Variants in KIDINS220 observed in about 807,000 individuals in gnomAD.
The protein encoded by KIDINS220 is kinase D interacting substrate 220.
In KIDINS220, 63 loss-of-function variants were observed where a neutral mutation model predicts 157.6. The ratio of observed to expected loss-of-function variants is 0.40; its 90% CI spans 0.33 to 0.49. The LOEUF is 0.49. Ranked by LOEUF, KIDINS220 falls within the 20% of genes least tolerant of loss-of-function variation. The pLI, the probability that KIDINS220 is intolerant of heterozygous loss-of-function variation, is 0.66. For missense variants in KIDINS220, 1,772 were observed against 2,171.2 expected, an observed-to-expected ratio of 0.82 and a Z score of 3.65; for synonymous variants, 732 against 783.6, an observed-to-expected ratio of 0.93 and a Z score of 1.10.
At chr2:8,764,696 G>C (rs377499207) in intron 22 of KIDINS220, among the ~76,000 whole-genome samples, 1 of 152,186 alleles carries the variant, frequency 6.6e-6, no homozygotes, top group South Asian at 2.1e-4. Flanking sequence ...TGAAGTATCT[G>C]GATGGACGGT....
At chr2:8,808,640 A>G (rs1675851972) in intron 6 of KIDINS220, among the ~76,000 whole-genome samples, 1 of 152,126 alleles carries the variant, frequency 6.6e-6, no homozygotes, top group Admixed American at 6.5e-5. Flanking sequence ...TCATCTCTCA[A>G]ATTCTGGTCT....
intron 1 of KIDINS220, among the ~76,000 whole-genome samples, chr2:8,832,946 G>A (rs936451237): frequency 6.6e-6 from 1 of 151,674 alleles, no homozygotes; most frequent in African/African-American, 2.4e-5. Context: ...TGGGGTATGT[G>A]TAATATTTGG....
intron 22 of KIDINS220, 70 bp from the exon 23 acceptor site, chr2:8,751,714 T>C: frequency 9.5e-7 from 1 of 1,051,810 alleles, no homozygotes; most frequent in Non-Finnish European, 1.4e-6. Context: ...GCATGTCACC[T>C]GAAGTTACTT....
At chr2:8,803,338 A>G (rs1674994818) in intron 7 of KIDINS220, among the ~76,000 whole-genome samples, 1 of 152,210 alleles carries the variant, frequency 6.6e-6, no homozygotes, top group African/African-American at 2.4e-5. Flanking sequence ...AAAATACATT[A>G]ATGATCTTCA....
intron 20 of KIDINS220, among the ~76,000 whole-genome samples, chr2:8,777,445 T>A (rs948833105): frequency 6.6e-6 from 1 of 152,108 alleles, no homozygotes; most frequent in African/African-American, 2.4e-5. Flanking sequence ...ACTACAGGCA[T>A]GCACCACCAC....
intron 21 of KIDINS220, among the ~76,000 whole-genome samples, chr2:8,774,709 G>A (rs1670730236): frequency 6.6e-6 from 1 of 152,208 alleles, no homozygotes; most frequent in Admixed American, 6.5e-5. Flanking sequence ...TGGAGGAGGA[G>A]AATGGTGGGA....
rs747472903 is a variant in KIDINS220, at chr2:8,730,852, A to G, written c.5184T>C (p.Asn1728=). 6.2e-7 allele frequency: 1 copy of G among 1,614,182 alleles called. No individual in the cohort carries two copies. The highest frequency in any genetic ancestry group is 8.5e-7 in the Non-Finnish European group (1 of 1,180,042). ...SPNPTTIQNE[N]LKSMTHKRSQ... is the part of the protein sequence containing the mutation. ...TTCGCTTATGTGTCATGCTTTTTAG[A>G]TTCTCATTCTGAATAGTGGTTGGGT... Residue 1728 remains asparagine, a synonymous_variant, in exon 30 of 30, where the codon AAT becomes AAC. Transcript: ENST00000256707.
At chr2:8,807,287 T>C (rs1212674436) in intron 6 of KIDINS220, among the ~76,000 whole-genome samples, 4 of 152,194 alleles carry the variant, frequency 2.6e-5, no homozygotes, top group Admixed American at 6.5e-5. Context: ...ATTAGCCACA[T>C]TGCCTGCCTC....
chr2:8,733,319 T>C (rs1664408698), intron 29 of KIDINS220, 125 bp downstream of exon 29: 1 of 822,836 alleles, frequency 1.2e-6, no homozygotes, highest in East Asian at 2.5e-5. Context: ...CTCCATCTTG[T>C]CTCCTGTTCA....
At position 8,802,951 on chromosome 2, in the gene KIDINS220, T is replaced by C. The variant is rs1558454671; in HGVS notation, c.780A>G (p.Thr260=). 3.1e-6 allele frequency: 5 copies of C among 1,613,978 alleles called. No individual in the cohort carries two copies. Among genetic ancestry groups the C allele is most frequent in the Non-Finnish European group, 4.2e-6 (5 of 1,179,964 alleles). ...EIVQDLLDAG[T]YVNIPDRSGD... ...CTACCCTGTCAGGTATGTTCACATA[T>C]GTTCCAGCGTCGAGCAGATCCTGCA... The change falls in exon 8 of 30, where the codon ACA becomes ACG. Residue 260 remains threonine (T), a synonymous_variant. Transcript: ENST00000256707.
At chr2:8,775,402 T>C (rs555199173) in intron 21 of KIDINS220, among the ~76,000 whole-genome samples, 1 of 151,926 alleles carries the variant, frequency 6.6e-6, no homozygotes, top group African/African-American at 2.4e-5. Context: ...CAATGCTAAA[T>C]GGCAAAGGGA....
In KIDINS220 at chr2:8,729,906, T is replaced by C; in HGVS notation, c.*814A>G. On this transcript the variant is annotated 3_prime_UTR_variant, in exon 30 of 30. Transcript: ENST00000256707. ...AATTCATGTTTTTTTTTCTTCTCAT[T>C]GCTAAGCTCACTTAGAAAAGTTGGG... 3 of 985,402 alleles carry C rather than the reference T, an allele frequency of 3.0e-6. No homozygotes were observed. The highest frequency in any genetic ancestry group is 3.6e-6 in the Non-Finnish European group (3 of 829,922). 61.0% of individuals were successfully genotyped at this position (985,402 alleles called of 1,614,324 possible).
In KIDINS220 at chr2:8,776,651, C is replaced by A. The variant is rs1670990357; in HGVS notation, c.2848+97G>T. 5 of 1,054,986 alleles carry A rather than the reference C, an allele frequency of 4.7e-6. No individual in the cohort carries two copies. In the Admixed American group the frequency reaches 1.0e-4, roughly 22 times the overall value. 65.4% of individuals were successfully genotyped at this position (1,054,986 alleles called of 1,614,324 possible). A position where few individuals can be genotyped will look rare whatever the true frequency, so the allele number is the denominator to read the frequency against. On this transcript the variant is annotated intron_variant, in intron 21 of 29. Transcript: ENST00000256707. ...TAAAGCCAGTATTCAGCAATGTAAACATATACACACAATACATACCTTTGT... is the reference window on the plus strand; with the variant it reads ...TAAAGCCAGTATTCAGCAATGTAAAAATATACACACAATACATACCTTTGT...
chr2:8,770,381 G>A lies in KIDINS220; in HGVS notation c.3011+289C>T, dbSNP rs191144117. On this transcript the variant is annotated intron_variant, in intron 22 of 29. Transcript: ENST00000256707. ...TGATTGTGCCACTGTGCTCCAACCC[G>A]GGTGACAGAGAGAGATCCTGTTTCT... is the stretch of plus-strand genomic sequence containing the variant. 5.8e-4 allele frequency among the ~76,000 whole-genome samples: 88 copies of A among 152,188 alleles called. 1 individual carries two copies. In the East Asian group the frequency reaches 0.012, roughly 20 times the overall value.
intron 21 of KIDINS220, among the ~76,000 whole-genome samples, chr2:8,772,333 G>A (rs886508655): frequency 2.6e-5 from 4 of 151,860 alleles, no homozygotes; most frequent in Non-Finnish European, 5.9e-5. Context: ...AAAATTAGCC[G>A]AGCGTGGTGG....
intron 9 of KIDINS220, among the ~76,000 whole-genome samples, chr2:8,799,742 T>A (rs1207307089): frequency 6.6e-6 from 1 of 152,226 alleles, no homozygotes; most frequent in African/African-American, 2.4e-5. Flanking sequence ...ACAAGAGATT[T>A]TTGGCCAAAT....
At chr2:8,726,765 C>T (rs983735337), downstream of KIDINS220, 10 of 422,350 alleles carry the variant, frequency 2.4e-5, no homozygotes, top group East Asian at 7.2e-5. Flanking sequence ...AGAAAAAGGA[C>T]GGTAAAAATA....
intron 6 of KIDINS220, among the ~76,000 whole-genome samples, chr2:8,807,621 T>C (rs1675644249): frequency 6.6e-6 from 1 of 152,194 alleles, no homozygotes; most frequent in Admixed American, 6.5e-5. Context: ...CTATAAATCA[T>C]GTCAGGCACC....
rs373273688 is a variant in KIDINS220, at chr2:8,791,860, TGAAAG to T, written c.1277-641_1277-637del. On this transcript the variant is annotated intron_variant, in intron 12 of 29. Transcript: ENST00000256707. Reference sequence around the variant, plus strand: ...AAATCCATGAGAATTTTGTTTTAATTGAAAGGAAAGAAGAATGTGTAAGAATAGAA... The same window carrying T: ...AAATCCATGAGAATTTTGTTTTAATTGAAAGAAGAATGTGTAAGAATAGAA... 5.0e-4 allele frequency among the ~76,000 whole-genome samples: 76 copies of T among 152,144 alleles called. No individual in the cohort carries two copies. In the East Asian group the frequency reaches 0.011, roughly 23 times the overall value.
Sources: gnomAD v4.1 joint callset for allele counts (sites outside exome capture counted in the v4.1 genomes callset) on GRCh38, gnomAD v4.1.1 for gene constraint, MANE v1.5 for transcripts, NCBI Gene and HGNC (gene_info 2026-07-23, HGNC 2026-07-21) for gene names.